Variants in SLC9A7 observed in about 807,000 individuals in gnomAD.
The protein encoded by SLC9A7 is sodium/hydrogen exchanger 7.
A neutral mutation model predicts 52.6 loss-of-function variants in SLC9A7; 19 were observed. That is an observed-to-expected ratio of 0.36 (90% confidence interval 0.25 to 0.53). The LOEUF (loss-of-function observed/expected upper bound fraction) is 0.53, where lower values mean the gene tolerates loss of function less well. SLC9A7 is among the 20% of genes least tolerant of loss of function. SLC9A7 has a pLI of 0.91. For missense variants in SLC9A7, 455 were observed against 597.9 expected (o/e 0.76, Z 2.49); for synonymous variants, 226 against 252.1 (o/e 0.90, Z 0.98).
At chrX:46,665,562 A>AAAAGAAAAAAAAAAAAAG (rs1943904821) in intron 5 of SLC9A7, among the ~76,000 whole-genome samples, 2 of 105,770 alleles carry the variant, frequency 1.9e-5, no homozygotes, top group African/African-American at 7.1e-5. Context: ...CATCTCAAAA[A>AAAAGAAAAAAAAAAAAAG]AAAAAAAAAA....
rs1478735415 is a variant in SLC9A7, at chrX:46,713,994, T to C, written c.326-31459A>G. ...TACAATACTCTACCTCAATATACTA[T>C]ACTCAATGTTTTCTGCTTCTTCCTA... On this transcript the variant is annotated intron_variant, in intron 1 of 16. Coordinates refer to ENST00000616978, the MANE Select transcript of SLC9A7 (RefSeq NM_001257291.2). 3.6e-5 allele frequency among the ~76,000 whole-genome samples: 4 copies of C among 110,674 alleles called. No homozygotes were observed. The Admixed American group carries it at 3.9e-4, about 11-fold the overall frequency.
At chrX:46,696,047 G>T (rs758339416) in intron 1 of SLC9A7, among the ~76,000 whole-genome samples, 1 of 110,067 alleles carries the variant, frequency 9.1e-6, no homozygotes, top group Non-Finnish European at 1.9e-5. Context: ...GTACAGTGGC[G>T]CAATCTCGGC....
intron 1 of SLC9A7, among the ~76,000 whole-genome samples, chrX:46,695,478 A>G (rs1483245614): frequency 8.9e-6 from 1 of 112,398 alleles, no homozygotes; most frequent in Non-Finnish European, 1.9e-5. Flanking sequence ...TCAGGAAGTG[A>G]TAGCAGGTTA....
chrX:46,657,635 C>G (rs890632547), intron 7 of SLC9A7, among the ~76,000 whole-genome samples: 1 of 109,486 alleles, frequency 9.1e-6, no homozygotes, highest in African/African-American at 3.3e-5. Context: ...AAGGCCATTA[C>G]ATAATGGTAA....
intron 3 of SLC9A7, among the ~76,000 whole-genome samples, chrX:46,679,299 T>C (rs1156560553): frequency 8.9e-6 from 1 of 112,793 alleles, no homozygotes; most frequent in Non-Finnish European, 1.9e-5. Flanking sequence ...ATTTTGGTTG[T>C]TTCCAGTGTT....
rs894290379 is a variant in SLC9A7 at position 46,684,111 on chromosome X, C to T, written c.326-1576G>A. The stretch of plus-strand genomic sequence containing the variant: ...TAAAACAACTTGATTTTTTTTACAA[C>T]TTAAAAATGAGTTTCTTAATAATCT... On this transcript the variant is annotated intron_variant, in intron 1 of 16. Coordinates refer to ENST00000616978, the MANE Select transcript of SLC9A7 (RefSeq NM_001257291.2). 3.6e-5 allele frequency among the ~76,000 whole-genome samples: 4 copies of T among 112,370 alleles called. No homozygotes were observed. The Admixed American group carries it at 3.8e-4, about 11-fold the overall frequency.
chrX:46,606,254 A>T lies in SLC9A7; in HGVS notation c.*698T>A. The T allele has an allele frequency of 1.3e-6, 1 of 744,445 alleles. No individual in the cohort carries two copies. The highest frequency in any genetic ancestry group is 1.6e-6 in the Non-Finnish European group (1 of 630,342). 61.4% of individuals were successfully genotyped at this position (744,445 alleles called of 1,213,427 possible). On this transcript the variant is annotated 3_prime_UTR_variant, in exon 17 of 17. Coordinates refer to ENST00000616978, the MANE Select transcript of SLC9A7 (RefSeq NM_001257291.2). ...AATCAAAAAATAAGAGTATAACACT[A>T]TTTGCCTTTGGTTTTAAACATTTCA...
At chrX:46,625,801 C>T (rs1488863937) in intron 14 of SLC9A7, among the ~76,000 whole-genome samples, 1 of 110,522 alleles carries the variant, frequency 9.0e-6, no homozygotes, top group Non-Finnish European at 1.9e-5. Flanking sequence ...AGATTCAGAG[C>T]TTGACTTGCC....
At chrX:46,745,133 G>T (rs1309614034) in intron 1 of SLC9A7, among the ~76,000 whole-genome samples, 1 of 111,732 alleles carries the variant, frequency 8.9e-6, no homozygotes, top group Non-Finnish European at 1.9e-5. Flanking sequence ...CTTTAAAATG[G>T]CAGGAAGGCT....
At chrX:46,613,984 C>T (rs781774338) in intron 15 of SLC9A7, among the ~76,000 whole-genome samples, 10 of 111,975 alleles carry the variant, frequency 8.9e-5, no homozygotes, top group Non-Finnish European at 1.7e-4. Context: ...ACTTCCCATA[C>T]AGGACCATTC....
intron 5 of SLC9A7, among the ~76,000 whole-genome samples, chrX:46,666,719 C>T (rs1943928176): frequency 1.8e-5 from 2 of 111,957 alleles, no homozygotes; most frequent in Non-Finnish European, 3.8e-5. Flanking sequence ...GAAAAGTAAG[C>T]CTCTCTATCC....
At chrX:46,669,272 T>C (rs1399675050) in intron 5 of SLC9A7, among the ~76,000 whole-genome samples, 1 of 110,014 alleles carries the variant, frequency 9.1e-6, no homozygotes. Context: ...ATGCCCTTCT[T>C]AGAAAAGCCA....
rs782017717 is a variant in SLC9A7 at position 46,758,953 on chromosome X, G to GGCAGCAGCA, written c.68_76dup (p.Leu23_Leu25dup). The GGCAGCAGCA allele has an allele frequency of 1.9e-6, 2 of 1,071,468 alleles. No homozygotes were observed. The highest frequency in any genetic ancestry group is 3.8e-5 in the Admixed American group (1 of 25,984). The allele number at this position is 1,071,468 out of a possible 1,213,427, so 88.3% of individuals were successfully genotyped here. ...TCGCAGCCCCCAACCCAGCAGCAGC[G>GGCAGCAGCA]GCAGCAGCAGCAGCCGCGGCGGCGG... On this transcript the variant is annotated inframe_insertion, in exon 1 of 17. Transcript: ENST00000616978.
At chrX:46,620,178 T>C (rs890360556) in intron 15 of SLC9A7, among the ~76,000 whole-genome samples, 3 of 111,505 alleles carry the variant, frequency 2.7e-5, no homozygotes, top group African/African-American at 9.8e-5. Flanking sequence ...CCCAGCACCT[T>C]GGGAGGCTGA....
At chrX:46,665,010 T>C (rs59334556) in intron 5 of SLC9A7, among the ~76,000 whole-genome samples, 4,746 of 110,995 alleles carry the variant, frequency 0.043, 271 homozygotes, top group African/African-American at 0.15. Flanking sequence ...ACAAAACAGG[T>C]CAGGAACCGT....
chrX:46,662,542 A>T lies in SLC9A7; in HGVS notation c.895T>A (p.Ser299Thr). 1 of 1,198,622 alleles carries T rather than the reference A, an allele frequency of 8.3e-7. No individual in the cohort carries two copies. The highest frequency in any genetic ancestry group is 1.1e-6 in the Non-Finnish European group (1 of 883,568). Residue 299 changes from serine (S) to threonine (T), a missense_variant, in exon 6 of 17, where the codon TCC becomes ACC. Coordinates refer to ENST00000616978, the MANE Select transcript of SLC9A7 (RefSeq NM_001257291.2). ...VLNDAVAIVLSSSIVAYQPAG... is the reference protein window; with the variant it reads ...VLNDAVAIVLTSSIVAYQPAG... ...AGCAGAAACACTGCTACTTACGAGG[A>T]CAGTACAATGGCAACAGCATCATTT... is the stretch of plus-strand genomic sequence containing the variant.
chrX:46,719,969 T>C (rs944644416), intron 1 of SLC9A7, among the ~76,000 whole-genome samples: 12 of 111,633 alleles, frequency 1.1e-4, no homozygotes, highest in African/African-American at 3.6e-4. Flanking sequence ...TAGTAAGTAA[T>C]ATATTCCTTA....
chrX:46,610,845 G>C (rs1942836558), intron 16 of SLC9A7, among the ~76,000 whole-genome samples: 1 of 112,465 alleles, frequency 8.9e-6, no homozygotes, highest in Admixed American at 9.4e-5. Context: ...CTATGAGCAA[G>C]GGACTGGTTA....
intron 7 of SLC9A7, among the ~76,000 whole-genome samples, chrX:46,654,029 G>A (rs1268885271): frequency 9.0e-6 from 1 of 110,917 alleles, no homozygotes; most frequent in Non-Finnish European, 1.9e-5. Context: ...TTGTGAATGC[G>A]GAATTGTGCA....
Sources: gnomAD v4.1 joint callset for allele counts (sites outside exome capture counted in the v4.1 genomes callset) on GRCh38, gnomAD v4.1.1 for gene constraint, MANE v1.5 for transcripts, NCBI Gene and HGNC (gene_info 2026-07-23, HGNC 2026-07-21) for gene names.